Variants in ARHGEF7 observed in about 807,000 individuals in gnomAD.
ARHGEF7 encodes PAK-interacting exchange factor beta.
A neutral mutation model predicts 109.8 loss-of-function variants in ARHGEF7; 33 were observed. The ratio of observed to expected loss-of-function variants is 0.30; its 90% confidence interval spans 0.23 to 0.40. The LOEUF (loss-of-function observed/expected upper bound fraction) is 0.40, where lower values mean the gene tolerates loss of function less well. Ranked by LOEUF, ARHGEF7 falls within the 10% of genes least tolerant of loss-of-function variation. The pLI is 1.00. For missense variants in ARHGEF7, 938 were observed against 1,098.5 expected (o/e 0.85, Z 2.07); for synonymous variants, 458 against 424.6 (o/e 1.08, Z -0.97).
chr13:111,157,630 A>T (rs1198902644), intron 2 of ARHGEF7, among the ~76,000 whole-genome samples: 1 of 152,200 alleles, frequency 6.6e-6, no homozygotes, highest in Non-Finnish European at 1.5e-5. Flanking sequence ...AGGATAAGTA[A>T]CTTACTGAGG....
rs1394912115 is a variant in ARHGEF7 at position 111,209,967 on chromosome 13, A to G, written c.433A>G (p.Thr145Ala). ...TGGATCACAGTCTTTGCACACTCGG[A>G]CTTCAAAACTGTTCCAGGGCCAGTA... Reference protein sequence around the residue: ...SLGSQSLHTRTSKLFQGQYRS... With the variant: ...SLGSQSLHTRASKLFQGQYRS... The change falls in exon 4 of 22, where the codon ACT becomes GCT. Residue 145 changes from threonine to alanine, a missense_variant. This residue lies in a region of ARHGEF7 where 585 missense variants were observed against 723.6 expected (regional missense o/e 0.81). Coordinates refer to ENST00000646102, the MANE Select transcript of ARHGEF7 (RefSeq NM_001354046.2). 1.2e-6 allele frequency: 2 copies of G among 1,614,098 alleles called. No individual in the cohort carries two copies. Among genetic ancestry groups the G allele is most frequent in the South Asian group, 2.2e-5 (2 of 91,088 alleles).
At chr13:111,142,667 C>A (rs1330750751) in intron 1 of ARHGEF7, among the ~76,000 whole-genome samples, 1 of 152,212 alleles carries the variant, frequency 6.6e-6, no homozygotes, top group Non-Finnish European at 1.5e-5. Context: ...TCTAGGGCAG[C>A]CCCAACTGCT....
chr13:111,127,061 CAG>C lies in ARHGEF7; in HGVS notation c.165+11372_165+11373del, dbSNP rs147256005. Among the ~76,000 whole-genome samples the C allele has an allele frequency of 2.5e-3, 378 of 152,198 alleles. 7 individuals carry two copies. In the East Asian group the frequency reaches 0.041, roughly 17 times the overall value. ...CTGATTAGGAAAAACGGGGAAAAGA[CAG>C]AAATTACCAACGTAAGGAATCACCA... On this transcript the variant is annotated intron_variant, in intron 1 of 21. Coordinates refer to ENST00000646102, the MANE Select transcript of ARHGEF7 (RefSeq NM_001354046.2).
chr13:111,155,906 T>G (rs144533592), intron 2 of ARHGEF7, among the ~76,000 whole-genome samples: 1 of 151,458 alleles, frequency 6.6e-6, no homozygotes, highest in Admixed American at 6.6e-5. Flanking sequence ...TGAAACCCTG[T>G]CTATACTTAA....
chr13:111,264,510 C>A (rs2091418626), intron 8 of ARHGEF7, among the ~76,000 whole-genome samples: 1 of 152,148 alleles, frequency 6.6e-6, no homozygotes, highest in African/African-American at 2.4e-5. Flanking sequence ...TGCATCCTAA[C>A]CCTTAGCCTC....
At position 111,280,533 on chromosome 13, in the gene ARHGEF7, T is replaced by C. The variant is rs753392733; in HGVS notation, c.1586-5T>C. On this transcript the variant is annotated splice_region_variant and splice_polypyrimidine_tract_variant and intron_variant, in intron 14 of 21. Coordinates refer to ENST00000646102, the MANE Select transcript of ARHGEF7 (RefSeq NM_001354046.2). ...CTCGGCCTATTTTTTCCTTCTCTCC[T>C]ATAGGGAGCATGATTGAGCGGATAT... The C allele has an allele frequency of 5.0e-6, 8 of 1,601,832 alleles. No individual in the cohort carries two copies. The South Asian group carries it at 9.0e-5, about 18-fold the overall frequency.
intron 8 of ARHGEF7, among the ~76,000 whole-genome samples, chr13:111,265,313 G>A (rs1393319417): frequency 1.3e-5 from 2 of 152,116 alleles, no homozygotes; most frequent in Non-Finnish European, 2.9e-5. Flanking sequence ...GATGAGAACA[G>A]GAACAGTCTT....
chr13:111,221,232 TAG>T (rs1250023307), intron 5 of ARHGEF7, among the ~76,000 whole-genome samples: 561 of 54,418 alleles, frequency 0.01, 17 homozygotes, highest in Middle Eastern at 0.038. Flanking sequence ...TATATCTATA[TAG>T]ATATATATGT....
At chr13:111,138,238 G>T (rs1404239891) in intron 1 of ARHGEF7, among the ~76,000 whole-genome samples, 1 of 151,972 alleles carries the variant, frequency 6.6e-6, no homozygotes, top group African/African-American at 2.4e-5. Context: ...GCTTGAACTC[G>T]GGAGGCAGAG....
intron 5 of ARHGEF7, among the ~76,000 whole-genome samples, chr13:111,221,189 CTA>C (rs1186310181): frequency 2.6e-3 from 161 of 62,052 alleles, no homozygotes; most frequent in African/African-American, 7.2e-3. Flanking sequence ...ATATATATGT[CTA>C]TATATATCTA....
chr13:111,161,149 T>C (rs116332089), intron 2 of ARHGEF7, among the ~76,000 whole-genome samples: 89 of 152,328 alleles, frequency 5.8e-4, no homozygotes, highest in African/African-American at 2.0e-3. Context: ...TGATGTCAAC[T>C]TGTGTCACTT....
intron 6 of ARHGEF7, among the ~76,000 whole-genome samples, chr13:111,236,888 C>G (rs1033368523): frequency 6.6e-6 from 1 of 152,066 alleles, no homozygotes; most frequent in African/African-American, 2.4e-5. Flanking sequence ...TTGCTTGAGC[C>G]CTGGAGTTTG....
chr13:111,236,383 C>T (rs537922538), intron 6 of ARHGEF7, among the ~76,000 whole-genome samples: 2 of 152,228 alleles, frequency 1.3e-5, no homozygotes, highest in African/African-American at 4.8e-5. Context: ...TGTGTGGTCA[C>T]ACTTTCTTGC....
At chr13:111,167,171 C>T (rs2077196396) in intron 2 of ARHGEF7, among the ~76,000 whole-genome samples, 1 of 152,142 alleles carries the variant, frequency 6.6e-6, no homozygotes, top group South Asian at 2.1e-4. Context: ...CAGAAAATCA[C>T]AGAGAAGCAC....
At chr13:111,262,363 G>C (rs2091185904) in intron 8 of ARHGEF7, among the ~76,000 whole-genome samples, 1 of 151,368 alleles carries the variant, frequency 6.6e-6, no homozygotes, top group South Asian at 2.1e-4. Flanking sequence ...AGAGAGACCT[G>C]CCAGAGGTCA....
chr13:111,176,887 G>C (rs1448270398), intron 2 of ARHGEF7, among the ~76,000 whole-genome samples: 1 of 152,216 alleles, frequency 6.6e-6, no homozygotes, highest in Non-Finnish European at 1.5e-5. Flanking sequence ...CTCCCCAGTA[G>C]CTGGGACTAC....
Position 111,273,744 on chromosome 13 carries a change from T to C in ARHGEF7, c.1074-70T>C, listed in dbSNP as rs145901715. On this transcript the variant is annotated intron_variant, in intron 9 of 21. Coordinates refer to ENST00000646102, the MANE Select transcript of ARHGEF7 (RefSeq NM_001354046.2). The surrounding 1 kb of genome is among the most constrained non-coding windows in gnomAD (Gnocchi z 4.5). ...TTTCATAAATTCTGGCTGTTGCTCA[T>C]GGAGATGAGAGAGCCACCATTGTCT... is the stretch of plus-strand genomic sequence containing the variant. 1,169 of 1,587,532 alleles carry C rather than the reference T, an allele frequency of 7.4e-4. 4 individuals are homozygous for C. In the East Asian group the frequency reaches 0.017, roughly 23 times the overall value.
At position 111,255,745 on chromosome 13, in the gene ARHGEF7, T is replaced by G. The variant is rs1426018312; in HGVS notation, c.950+11451T>G. 6.6e-6 allele frequency among the ~76,000 whole-genome samples: 1 copy of G among 152,234 alleles called. No homozygotes were observed. Among genetic ancestry groups the G allele is most frequent in the African/African-American group, 2.4e-5 (1 of 41,472 alleles). ...TTCTGCAGCTTTGTCTTCACTTGAT[T>G]TCACTTTCTGCCCTTAAACTCGGGG... is the stretch of plus-strand genomic sequence containing the variant. On this transcript the variant is annotated intron_variant, in intron 8 of 21. Coordinates refer to ENST00000646102, the MANE Select transcript of ARHGEF7 (RefSeq NM_001354046.2). This position sits in a 1 kb window ranked among gnomAD's most constrained non-coding sequence, Gnocchi z 4.1.
At chr13:111,124,867 C>G (rs1260904922) in intron 1 of ARHGEF7, among the ~76,000 whole-genome samples, 1 of 152,342 alleles carries the variant, frequency 6.6e-6, no homozygotes, top group African/African-American at 2.4e-5. Context: ...TCAAGTGATT[C>G]TCTTGCCCCC....
Sources: gnomAD v4.1 joint callset for allele counts (sites outside exome capture counted in the v4.1 genomes callset) on GRCh38, gnomAD v4.1.1 for gene constraint, gnomAD v4.1.1 regional missense constraint, Gnocchi (gnomAD v3.1) non-coding constraint, MANE v1.5 for transcripts, NCBI Gene and HGNC (gene_info 2026-07-23, HGNC 2026-07-21) for gene names.